The following TSPEAR variants were observed in gnomAD, a reference collection of about 807,000 sequenced individuals.
TSPEAR encodes thrombospondin-type laminin G domain and EAR repeat-containing protein.
A neutral mutation model predicts 71.6 loss-of-function variants in TSPEAR; 69 were observed. The observed-to-expected ratio is 0.96, with a 90% CI of 0.79 to 1.18. The LOEUF is 1.18. Ranked by LOEUF, TSPEAR falls within the 50% of genes most tolerant of loss-of-function variation. The probability of loss-of-function intolerance (pLI) is 0.00; values close to 1 mark genes in which losing one functional copy is unlikely to be tolerated. For missense variants in TSPEAR, 971 were observed against 894.9 expected (o/e 1.09, Z -1.09); for synonymous variants, 402 against 387.2 (o/e 1.04, Z -0.45).
At chr21:44,537,932 G>A (rs963023073) in intron 2 of TSPEAR, among the ~76,000 whole-genome samples, 2 of 152,236 alleles carry the variant, frequency 1.3e-5, no homozygotes, top group African/African-American at 4.8e-5. Flanking sequence ...GCAGGGAGCT[G>A]AGAGCAGATC....
chr21:44,668,201 CA>C (rs377322269), intron 1 of TSPEAR, among the ~76,000 whole-genome samples: 191 of 152,214 alleles, frequency 1.3e-3, no homozygotes, highest in African/African-American at 4.4e-3. Context: ...ATGAATTCAG[CA>C]AAGTAGCAGG....
intron 1 of TSPEAR, among the ~76,000 whole-genome samples, chr21:44,581,678 T>C (rs1373666362): frequency 5.9e-5 from 1 of 17,068 alleles, no homozygotes; most frequent in East Asian, 9.8e-4. Context: ...TTTTGCGCTC[T>C]TAAAAATAAC....
Position 44,629,354 on chromosome 21 carries a change from T to C in TSPEAR, c.83-61349A>G, listed in dbSNP as rs1306300061. Among the ~76,000 whole-genome samples the C allele has an allele frequency of 3.3e-5, 5 of 152,018 alleles. No homozygotes were observed. In the East Asian group the frequency reaches 7.7e-4, roughly 23 times the overall value. ...CTGGGGCTGGAAATTGAGGCCCAGG[T>C]GTGGCAGGGCTGGTTCCCGAAGACT... On this transcript the variant is annotated intron_variant, in intron 1 of 11. Coordinates refer to ENST00000323084, the MANE Select transcript of TSPEAR (RefSeq NM_144991.3).
intron 1 of TSPEAR, among the ~76,000 whole-genome samples, chr21:44,673,026 T>C (rs1264442848): frequency 6.6e-6 from 1 of 152,222 alleles, no homozygotes; most frequent in Non-Finnish European, 1.5e-5. Flanking sequence ...TAGTTCTTTA[T>C]AGCAATGCAA....
At chr21:44,638,320 C>A in intron 1 of TSPEAR, 1 of 577,844 alleles carries the variant, frequency 1.7e-6, no homozygotes, top group South Asian at 2.6e-5. Context: ...CCAGTCCTTC[C>A]CAGATGATGG....
intron 1 of TSPEAR, among the ~76,000 whole-genome samples, chr21:44,598,097 T>A (rs1555927854): frequency 6.6e-6 from 1 of 152,188 alleles, no homozygotes; most frequent in East Asian, 1.9e-4. Context: ...CCTTTTCTTC[T>A]TTCTGACTTT....
At chr21:44,509,417 G>A (rs1263778528) in intron 9 of TSPEAR, 31 bp from the exon 10 acceptor site, 2 of 1,582,262 alleles carry the variant, frequency 1.3e-6, no homozygotes, top group Admixed American at 1.7e-5. Context: ...GTGCAGAGGT[G>A]TGGGGGAGCG....
chr21:44,673,906 A>AAG (rs1361463863), intron 1 of TSPEAR, among the ~76,000 whole-genome samples: 1 of 57,292 alleles, frequency 1.7e-5, no homozygotes, highest in Non-Finnish European at 5.9e-5. Flanking sequence ...AAAATTTCTC[A>AAG]AAAAAAAATA....
intron 1 of TSPEAR, among the ~76,000 whole-genome samples, chr21:44,585,697 C>A (rs1372377706): frequency 6.6e-6 from 1 of 152,144 alleles, no homozygotes; most frequent in Non-Finnish European, 1.5e-5. Flanking sequence ...CGATTTCAGT[C>A]TCCAGGAATC....
chr21:44,575,162 T>C (rs1978348592), intron 1 of TSPEAR: 8 of 864,454 alleles, frequency 9.3e-6, no homozygotes, highest in Non-Finnish European at 5.3e-6. Context: ...TGAAAGTCTA[T>C]ACTCAATGCT....
intron 1 of TSPEAR, among the ~76,000 whole-genome samples, chr21:44,620,399 T>G (rs1478787513): frequency 2.0e-5 from 3 of 152,366 alleles, no homozygotes; most frequent in African/African-American, 7.2e-5. Context: ...GTAGCCATGT[T>G]GGTAGTTTGT....
intron 1 of TSPEAR, chr21:44,702,226 A>C: frequency 6.3e-7 from 1 of 1,597,356 alleles, no homozygotes; most frequent in Non-Finnish European, 8.5e-7. Context: ...TCCCTGAGCC[A>C]GTGCTTCCAC....
At chr21:44,503,044 A>C (rs1460899140) in intron 11 of TSPEAR, among the ~76,000 whole-genome samples, 1 of 125,272 alleles carries the variant, frequency 8.0e-6, no homozygotes, top group Non-Finnish European at 1.7e-5. Flanking sequence ...GGGGGAAGCA[A>C]GGCTCTGGGA....
rs1398404350 is a variant in TSPEAR at position 44,542,756 on chromosome 21, AAAG to A, written c.304-8836_304-8834del. 9.3e-5 allele frequency among the ~76,000 whole-genome samples: 14 copies of A among 150,020 alleles called. 1 individual carries two copies. The highest frequency in any genetic ancestry group is 1.3e-4 in the Non-Finnish European group (9 of 67,612). The stretch of plus-strand genomic sequence containing the variant: ...AAGAGACCTGTTAAAAAAAAAAAAA[AAAG>A]AAAAAGAAAAGAAAAAAGAAAAAGA... On this transcript the variant is annotated intron_variant, in intron 2 of 11. Transcript: ENST00000323084.
intron 1 of TSPEAR, among the ~76,000 whole-genome samples, chr21:44,631,198 A>G (rs1324864943): frequency 6.6e-6 from 1 of 152,232 alleles, no homozygotes; most frequent in Non-Finnish European, 1.5e-5. Context: ...AAACCATGAC[A>G]AAAGAACAAA....
chr21:44,666,530 G>A, intron 1 of TSPEAR: 1 of 1,613,118 alleles, frequency 6.2e-7, no homozygotes, highest in Non-Finnish European at 8.5e-7. Context: ...AGGACTGGCA[G>A]GACGGAGCCG....
intron 2 of TSPEAR, chr21:44,551,318 G>A (rs781922416): frequency 3.1e-6 from 5 of 1,613,202 alleles, no homozygotes; most frequent in African/African-American, 2.7e-5. Flanking sequence ...TCACTGGGGT[G>A]CAGACCAGGG....
At chr21:44,531,592 C>A (rs1183837007) in intron 3 of TSPEAR, among the ~76,000 whole-genome samples, 1 of 152,188 alleles carries the variant, frequency 6.6e-6, no homozygotes, top group Admixed American at 6.5e-5. Flanking sequence ...GGGCACTTCA[C>A]CCCAGGGCCA....
In TSPEAR at chr21:44,520,292, C is replaced by T. The variant is rs1367449038; in HGVS notation, c.1566+1591G>A. 1 of 152,118 alleles carries T rather than the reference C, an allele frequency of 6.6e-6. No homozygotes were observed. The highest frequency in any genetic ancestry group is 1.5e-5 in the Non-Finnish European group (1 of 68,020). 9.4% of individuals were successfully genotyped at this position (152,118 alleles called of 1,614,324 possible). A position where few individuals can be genotyped will look rare whatever the true frequency, so the allele number is the denominator to read the frequency against. On this transcript the variant is annotated intron_variant, in intron 9 of 11. Coordinates refer to ENST00000323084, the MANE Select transcript of TSPEAR (RefSeq NM_144991.3). The surrounding 1 kb of genome is among the most constrained non-coding windows in gnomAD (Gnocchi z 4.2). The stretch of plus-strand genomic sequence containing the variant: ...CTGGGTGGTGACCCTGCTGCCTACT[C>T]CCAGCCCCACTGCCCTGCAGGTACC...
Sources: gnomAD v4.1 joint callset for allele counts (sites outside exome capture counted in the v4.1 genomes callset) on GRCh38, gnomAD v4.1.1 for gene constraint, Gnocchi (gnomAD v3.1) non-coding constraint, MANE v1.5 for transcripts, NCBI Gene and HGNC (gene_info 2026-07-23, HGNC 2026-07-21) for gene names.